The following ABI2 variants were observed in gnomAD, a reference collection of about 807,000 sequenced individuals.
The protein encoded by ABI2 is abelson interactor 2.
ABI2 carries 25 observed loss-of-function variants against 59.2 expected under a neutral mutation model. The ratio of observed to expected loss-of-function variants is 0.42; its 90% CI spans 0.31 to 0.59. The LOEUF (loss-of-function observed/expected upper bound fraction) is 0.59. ABI2 is among the 20% of genes least tolerant of loss of function. The pLI, the probability that ABI2 is intolerant of heterozygous loss-of-function variation, is 0.14. For synonymous variants in ABI2, 213 were observed against 235.5 expected, an observed-to-expected ratio of 0.90 and a Z score of 0.87; for missense variants, 545 against 681.8, an observed-to-expected ratio of 0.80 and a Z score of 2.23.
intron 9 of ABI2, among the ~76,000 whole-genome samples, chr2:203,403,654 A>G (rs974611348): frequency 1.4e-5 from 2 of 145,144 alleles, no homozygotes; most frequent in African/African-American, 2.5e-5. Flanking sequence ...CTTATATCTT[A>G]TAGGTAAGGA....
intron 1 of ABI2, among the ~76,000 whole-genome samples, chr2:203,329,695 TC>T (rs572747473): frequency 1.1e-4 from 17 of 151,772 alleles, no homozygotes; most frequent in Non-Finnish European, 2.1e-4. Flanking sequence ...TTTTTTTTTT[TC>T]CTTTTTTCTT....
At chr2:203,390,655 T>G (rs558840139) in intron 4 of ABI2, among the ~76,000 whole-genome samples, 9 of 152,240 alleles carry the variant, frequency 5.9e-5, no homozygotes, top group African/African-American at 2.2e-4. Context: ...GAAAGTTATC[T>G]CTAAAAATAA....
chr2:203,389,757 T>C (rs1192004007), intron 4 of ABI2, among the ~76,000 whole-genome samples: 3 of 152,204 alleles, frequency 2.0e-5, no homozygotes, highest in African/African-American at 2.4e-5. Context: ...CATTAACCCA[T>C]TGGTAGTCTC....
rs144317327 is a variant in ABI2, at chr2:203,382,189, T to C, written c.463T>C (p.Trp155Arg). 47 of 1,529,948 alleles carry C rather than the reference T, an allele frequency of 3.1e-5. No individual in the cohort carries two copies. The African/African-American group carries it at 4.8e-4, about 16-fold the overall frequency. 94.8% of individuals were successfully genotyped at this position (1,529,948 alleles called of 1,614,324 possible). A position where few individuals can be genotyped will look rare whatever the true frequency, so the allele number is the denominator to read the frequency against. ...ILDDIGHGVK[W>R]LLRFKVSTQN... ...TTATTTGCTCCATTTATGCATTAAG[T>C]GGTTGCTTAGATTTAAGGTAAGAGA... The change falls in exon 4 of 12, where the codon TGG (tryptophan) becomes CGG (arginine). Residue 155 changes from tryptophan to arginine, a missense_variant and splice_region_variant. Coordinates refer to ENST00000261018, the MANE Select transcript of ABI2 (RefSeq NM_001375670.1).
intron 5 of ABI2, among the ~76,000 whole-genome samples, chr2:203,392,275 T>TCACCACCACCACCACCAC (rs75654136): frequency 3.9e-5 from 5 of 127,260 alleles, no homozygotes; most frequent in East Asian, 2.4e-4. Flanking sequence ...ACCACCACCA[T>TCACCACCACCACCACCAC]CACCACCACC....
intron 4 of ABI2, among the ~76,000 whole-genome samples, chr2:203,384,305 T>TTTTTGTTTTG (rs1559289494): frequency 6.2e-5 from 9 of 144,298 alleles, no homozygotes; most frequent in African/African-American, 2.4e-4. Context: ...TTTTTTTTTT[T>TTTTTGTTTTG]TTTTTTTTTT....
intron 11 of ABI2, among the ~76,000 whole-genome samples, chr2:203,417,558 T>C (rs970112959): frequency 2.0e-5 from 3 of 152,214 alleles, no homozygotes; most frequent in African/African-American, 7.2e-5. Context: ...ATTAGCTAAT[T>C]ATGATGTAGC....
intron 1 of ABI2, chr2:203,355,176 A>AT (rs1284621199): frequency 7.2e-6 from 3 of 414,564 alleles, no homozygotes; most frequent in Non-Finnish European, 1.0e-5. Context: ...GACAGTGCAT[A>AT]TCCTCTGGTG....
At position 203,417,015 on chromosome 2, in the gene ABI2, G is replaced by A. The variant is rs1477979409; in HGVS notation, c.1387G>A (p.Val463Ile). 1 of 1,614,052 alleles carries A rather than the reference G, an allele frequency of 6.2e-7. No individual in the cohort carries two copies. The highest frequency in any genetic ancestry group is 8.5e-7 in the Non-Finnish European group (1 of 1,180,032). ...TTACGAAGAGGAGGAAGCTGCTGTG[G>A]TTGAGTATAGTGATCCTTATGCTGA... is the stretch of plus-strand genomic sequence containing the variant. ...EDYEEEEAAV[V>I]EYSDPYAEED... The change falls in exon 11 of 12, where the codon GTT becomes ATT. Residue 463 changes from valine to isoleucine, a missense_variant. Physicochemically the swap from Val to Ile is conservative, Grantham distance 29. Around this residue, in one of 4 missense-constraint regions of ABI2, gnomAD observed 44 missense variants for 106.4 expected, o/e 0.41. Coordinates refer to ENST00000261018, the MANE Select transcript of ABI2 (RefSeq NM_001375670.1).
At chr2:203,408,358 T>C (rs531925462) in intron 9 of ABI2, among the ~76,000 whole-genome samples, 1 of 152,044 alleles carries the variant, frequency 6.6e-6, no homozygotes, top group South Asian at 2.1e-4. Context: ...AGATGGGGTT[T>C]CACCATGTTG....
chr2:203,346,338 ATGTTTGTT>A (rs202078297), intron 1 of ABI2, among the ~76,000 whole-genome samples: 2 of 152,120 alleles, frequency 1.3e-5, no homozygotes, highest in Admixed American at 1.3e-4. Context: ...ACAAAAGACT[ATGTTTGTT>A]TGTTTGTTTG....
chr2:203,375,858 C>A (rs1024470542), intron 2 of ABI2: 7 of 390,336 alleles, frequency 1.8e-5, no homozygotes, highest in African/African-American at 1.0e-4. Context: ...AGATTTAGTG[C>A]TCTCTGTCAA....
Position 203,394,843 on chromosome 2 carries a change from AC to A in ABI2, c.723del (p.Tyr241Ter). On this transcript the variant is annotated frameshift_variant and splice_region_variant, in exon 6 of 12. Transcript: ENST00000261018. LOFTEE classifies it high-confidence loss of function. ...TCTGTGAATCAAAGAAATCGAACTT[AC>A]AGGTATTTTCTCTACCTCAGTGCAA... Reference protein sequence around the residue: ...TASVNQRNRTYSSSGSSGGSH... With the variant: ...TASVNQRNRTXSSSGSSGGSH... 6.2e-7 allele frequency: 1 copy of A among 1,614,068 alleles called. No homozygotes were observed. The highest frequency in any genetic ancestry group is 1.3e-5 in the African/African-American group (1 of 75,030).
chr2:203,374,498 C>CAAAAAA (rs777951265), intron 2 of ABI2, among the ~76,000 whole-genome samples: 1 of 53,852 alleles, frequency 1.9e-5, no homozygotes, highest in Non-Finnish European at 3.8e-5. Flanking sequence ...GACTCTGTCT[C>CAAAAAA]AAAAAAAAAA....
chr2:203,353,826 C>A (rs188547263), intron 1 of ABI2, among the ~76,000 whole-genome samples: 4 of 152,174 alleles, frequency 2.6e-5, no homozygotes, highest in Admixed American at 2.6e-4. Flanking sequence ...TTATCTGTTT[C>A]TTCTGGTACT....
intron 11 of ABI2, among the ~76,000 whole-genome samples, chr2:203,422,803 A>G (rs1029481086): frequency 2.6e-5 from 4 of 152,214 alleles, no homozygotes; most frequent in Non-Finnish European, 5.9e-5. Flanking sequence ...AGTGGGTTCT[A>G]AAACATTTCT....
At position 203,431,363 on chromosome 2, in the gene ABI2, T is replaced by A. The variant is rs2098482082; in HGVS notation, c.*4011T>A. Reference sequence around the variant, plus strand: ...TGTATTTTTCTTTAAAAGTTAAGAGTTCTATTTGGTGTTTTCAGGAATATA... The same window carrying A: ...TGTATTTTTCTTTAAAAGTTAAGAGATCTATTTGGTGTTTTCAGGAATATA... On this transcript the variant is annotated 3_prime_UTR_variant, in exon 12 of 12. Coordinates refer to ENST00000261018, the MANE Select transcript of ABI2 (RefSeq NM_001375670.1). The A allele has an allele frequency of 6.6e-6, 1 of 152,520 alleles. No homozygotes were observed. Among genetic ancestry groups the A allele is most frequent in the South Asian group, 2.1e-4 (1 of 4,824 alleles). 9.4% of individuals were successfully genotyped at this position (152,520 alleles called of 1,614,324 possible).
intron 9 of ABI2, among the ~76,000 whole-genome samples, chr2:203,410,293 A>C (rs1029447450): frequency 6.6e-6 from 1 of 152,154 alleles, no homozygotes; most frequent in Non-Finnish European, 1.5e-5. Flanking sequence ...TCATCTTTTT[A>C]GTTTTATTAG....
intron 1 of ABI2, among the ~76,000 whole-genome samples, chr2:203,364,111 T>TTA (rs1327203031): frequency 6.6e-6 from 1 of 150,988 alleles, no homozygotes; most frequent in Non-Finnish European, 1.5e-5. Context: ...TTTTTAAGTT[T>TTA]TATTTTGAGA....
Sources: gnomAD v4.1 joint callset for allele counts (sites outside exome capture counted in the v4.1 genomes callset) on GRCh38, gnomAD v4.1.1 for gene constraint, gnomAD v4.1.1 regional missense constraint, MANE v1.5 for transcripts, NCBI Gene and HGNC (gene_info 2026-07-23, HGNC 2026-07-21) for gene names.